CD4: variants seen among roughly 807,000 people sequenced by gnomAD.
CD4 encodes the protein T-cell surface glycoprotein CD4.
CD4 carries 25 observed loss-of-function variants against 50.5 expected under a neutral mutation model. The observed-to-expected ratio is 0.49, with a 90% confidence interval of 0.36 to 0.69. The LOEUF is 0.69. Among genes scored for constraint, CD4 ranks in the 30% least tolerant of loss-of-function variants. The probability of loss-of-function intolerance (pLI) is 0.00; values close to 1 mark genes in which losing one functional copy is unlikely to be tolerated. For missense variants in CD4, 456 were observed against 548.5 expected (o/e 0.83, Z 1.68); for synonymous variants, 207 against 221.9 (o/e 0.93, Z 0.60).
chr12:6,791,997 C>G (rs1174336812), intron 1 of CD4, among the ~76,000 whole-genome samples: 6 of 152,116 alleles, frequency 3.9e-5, no homozygotes, highest in African/African-American at 1.4e-4. Context: ...GGAGGGTGGG[C>G]ACGGTTCCCC....
Position 6,818,286 on chromosome 12 carries a change from C to T in CD4, c.1157-135C>T, listed in dbSNP as rs782626489. ...CCCCAGCACTGGCGGCCTTTGAGAG[C>T]CCCCAGGCACCCCTCCCCTCTCCCC... On this transcript the variant is annotated intron_variant, in intron 7 of 9. Transcript: ENST00000011653. This position sits in a 1 kb window ranked among gnomAD's most constrained non-coding sequence, Gnocchi z 5.0. 45 of 1,104,634 alleles carry T rather than the reference C, an allele frequency of 4.1e-5. 1 individual carries two copies. Among genetic ancestry groups the T allele is most frequent in the Middle Eastern group, 3.1e-4 (1 of 3,268 alleles). 68.4% of individuals were successfully genotyped at this position (1,104,634 alleles called of 1,614,324 possible). A position where few individuals can be genotyped will look rare whatever the true frequency, so the allele number is the denominator to read the frequency against.
intron 7 of CD4, among the ~76,000 whole-genome samples, chr12:6,817,892 C>T (rs1028277859): frequency 2.6e-5 from 4 of 151,882 alleles, no homozygotes; most frequent in Non-Finnish European, 2.9e-5. Context: ...TACACATTCA[C>T]GCACATACTC....
At position 6,795,316 on chromosome 12, in the gene CD4, A is replaced by T. The variant is rs371304602; in HGVS notation, c.-67-4756A>T. Among the ~76,000 whole-genome samples the T allele has an allele frequency of 3.4e-3, 468 of 136,150 alleles. 4 individuals carry two copies. The highest frequency in any genetic ancestry group is 0.011 in the African/African-American group (439 of 39,830). The allele number at this position is 136,150 out of a possible 152,430, so 89.3% of individuals were successfully genotyped here. On this transcript the variant is annotated intron_variant, in intron 1 of 9. Coordinates refer to ENST00000011653, the MANE Select transcript of CD4 (RefSeq NM_000616.5). ...TATCTGTCCATCCATCTATCTACCT[A>T]CCTGTCTATCTCAAGCACCTACCAC... is the stretch of plus-strand genomic sequence containing the variant.
At chr12:6,803,211 C>T (rs782513322) in intron 3 of CD4, among the ~76,000 whole-genome samples, 9 of 152,188 alleles carry the variant, frequency 5.9e-5, no homozygotes, top group Admixed American at 5.9e-4. Context: ...AGTGCAGTGG[C>T]ATGATCTCGG....
chr12:6,817,828 CTG>C (rs1178953950), intron 7 of CD4, among the ~76,000 whole-genome samples: 2 of 151,202 alleles, frequency 1.3e-5, no homozygotes, highest in Non-Finnish European at 2.9e-5. Context: ...CACTCACACA[CTG>C]TCACACACTC....
intron 1 of CD4, among the ~76,000 whole-genome samples, chr12:6,798,056 C>T (rs1229007624): frequency 1.3e-4 from 20 of 152,142 alleles, no homozygotes; most frequent in Non-Finnish European, 2.8e-4. Context: ...TGGACAATAC[C>T]TAGGCTTTCT....
At chr12:6,809,545 A>G (rs1045504371) in intron 3 of CD4, among the ~76,000 whole-genome samples, 1 of 152,032 alleles carries the variant, frequency 6.6e-6, no homozygotes, top group Non-Finnish European at 1.5e-5. Context: ...TCCCATGGGA[A>G]TGCCACCATC....
intron 3 of CD4, among the ~76,000 whole-genome samples, chr12:6,805,281 G>A (rs188699961): frequency 1.5e-3 from 223 of 151,682 alleles, no homozygotes; most frequent in Non-Finnish European, 1.6e-3. Flanking sequence ...ACATGCGTAG[G>A]GCCAGGTGCA....
chr12:6,803,653 C>T (rs905336695), intron 3 of CD4, among the ~76,000 whole-genome samples: 4 of 150,422 alleles, frequency 2.7e-5, no homozygotes, highest in South Asian at 2.1e-4. Context: ...GGCGTGGTGG[C>T]GGGCACTTGT....
At chr12:6,789,817 C>T (rs1942097381) in intron 1 of CD4, among the ~76,000 whole-genome samples, 155 bp downstream of exon 1, 1 of 152,242 alleles carries the variant, frequency 6.6e-6, no homozygotes, top group Non-Finnish European at 1.5e-5. Flanking sequence ...AGCGATTTCC[C>T]ACTGGAACTG....
chr12:6,815,878 G>T, intron 5 of CD4, 178 bp from the exon 6 acceptor site: 2 of 1,521,450 alleles, frequency 1.3e-6, no homozygotes, highest in Non-Finnish European at 1.8e-6. Context: ...ATGCTGGGTG[G>T]AAGAAGGGAG....
chr12:6,815,040 G>C, intron 5 of CD4, 48 bp downstream of exon 5: 4 of 1,309,636 alleles, frequency 3.1e-6, no homozygotes, highest in Non-Finnish European at 4.3e-6. Context: ...CCCAGGGGCT[G>C]ACAGCCCCTC....
intron 3 of CD4, among the ~76,000 whole-genome samples, chr12:6,805,182 C>A: frequency 3.8e-5 from 1 of 26,412 alleles, no homozygotes; most frequent in Non-Finnish European, 6.8e-5. Flanking sequence ...AAGACCCTAT[C>A]TCAAAAAAAA....
intron 4 of CD4, 104 bp downstream of exon 4, chr12:6,814,404 C>A: frequency 8.1e-7 from 1 of 1,229,980 alleles, no homozygotes; most frequent in Non-Finnish European, 1.1e-6. Flanking sequence ...ACCGCAGCAG[C>A]CCCAAGAGGA....
chr12:6,806,154 C>CAT (rs1285088838), intron 3 of CD4, among the ~76,000 whole-genome samples: 2 of 97,166 alleles, frequency 2.1e-5, no homozygotes, highest in South Asian at 6.9e-4. Flanking sequence ...AAAAAAGGTA[C>CAT]ATACACACAC....
At chr12:6,791,060 G>C (rs907464369) in intron 1 of CD4, among the ~76,000 whole-genome samples, 7 of 152,150 alleles carry the variant, frequency 4.6e-5, no homozygotes, top group Non-Finnish European at 7.3e-5. Flanking sequence ...AGAGACACTC[G>C]GGAGATGATT....
chr12:6,809,702 G>A (rs1233083224), intron 3 of CD4, among the ~76,000 whole-genome samples: 1 of 151,856 alleles, frequency 6.6e-6, no homozygotes, highest in Non-Finnish European at 1.5e-5. Flanking sequence ...CCACATCCTA[G>A]CCCATTAGAC....
intron 4 of CD4, 107 bp downstream of exon 4, chr12:6,814,407 C>T: frequency 1.7e-6 from 2 of 1,192,022 alleles, no homozygotes; most frequent in South Asian, 3.0e-5. Context: ...GCAGCAGCCC[C>T]AAGAGGACCA....
At chr12:6,798,845 C>G (rs1326505505) in intron 1 of CD4, 2 of 152,316 alleles carry the variant, frequency 1.3e-5, no homozygotes, top group African/African-American at 4.8e-5. Context: ...CTGCAGGGGT[C>G]CACGTGGCAA....
Sources: gnomAD v4.1 joint callset for allele counts (sites outside exome capture counted in the v4.1 genomes callset) on GRCh38, gnomAD v4.1.1 for gene constraint, Gnocchi (gnomAD v3.1) non-coding constraint, MANE v1.5 for transcripts, NCBI Gene and HGNC (gene_info 2026-07-23, HGNC 2026-07-21) for gene names.